The following DGKD variants were observed in gnomAD, a reference collection of about 807,000 sequenced individuals.
DGKD encodes DAG kinase delta.
A neutral mutation model predicts 154.4 loss-of-function variants in DGKD; 68 were observed. The ratio of observed to expected loss-of-function variants is 0.44; its 90% CI spans 0.36 to 0.54. The LOEUF (loss-of-function observed/expected upper bound fraction) is 0.54, where lower values mean the gene tolerates loss of function less well. Ranked by LOEUF, DGKD falls within the 20% of genes least tolerant of loss-of-function variation. The pLI, the probability that DGKD is intolerant of heterozygous loss-of-function variation, is 0.00. For missense variants in DGKD, 1,343 were observed against 1,593.6 expected (o/e 0.84, Z 2.68); for synonymous variants, 693 against 638.0 (o/e 1.09, Z -1.30).
At position 233,445,518 on chromosome 2, in the gene DGKD, A is replaced by G. The variant is rs2124826477; in HGVS notation, c.1195-105A>G. ...GCGTGGTTTTAGGTCACGTCCCCACATTGCTAACGTAACCCTCACGGTGGG... is the reference window on the plus strand; with the variant it reads ...GCGTGGTTTTAGGTCACGTCCCCACGTTGCTAACGTAACCCTCACGGTGGG... On this transcript the variant is annotated intron_variant, in intron 10 of 29. Transcript: ENST00000264057. This position sits in a 1 kb window ranked among gnomAD's most constrained non-coding sequence, Gnocchi z 5.5. The G allele has an allele frequency of 6.9e-7, 1 of 1,453,060 alleles. No homozygotes were observed. Among genetic ancestry groups the G allele is most frequent in the Non-Finnish European group, 9.2e-7 (1 of 1,092,430 alleles). 90.0% of individuals were successfully genotyped at this position (1,453,060 alleles called of 1,614,324 possible). A position where few individuals can be genotyped will look rare whatever the true frequency, so the allele number is the denominator to read the frequency against.
chr2:233,406,303 C>T (rs2061685935), intron 3 of DGKD, among the ~76,000 whole-genome samples: 1 of 152,226 alleles, frequency 6.6e-6, no homozygotes, highest in South Asian at 2.1e-4. Flanking sequence ...AGGTCACATT[C>T]ACAGGTTCCA....
rs2125363272 is a variant in DGKD at position 233,354,928 on chromosome 2, C to CCGCGCGCTGGGCGGGGGG, written c.156+262_156+279dup. ...GGCGCGCAGGTGGGCGCCCCGGGCG[C>CCGCGCGCTGGGCGGGGGG]CGCGCGCTGGGCGGGGGGCGCGCGC... On this transcript the variant is annotated intron_variant, in intron 1 of 29. Coordinates refer to ENST00000264057, the MANE Select transcript of DGKD (RefSeq NM_152879.3). This position sits in a 1 kb window ranked among gnomAD's most constrained non-coding sequence, Gnocchi z 4.8. Among the ~76,000 whole-genome samples the CCGCGCGCTGGGCGGGGGG allele has an allele frequency of 6.8e-6, 1 of 146,402 alleles. No individual in the cohort carries two copies. The highest frequency in any genetic ancestry group is 6.8e-5 in the Admixed American group (1 of 14,800).
intron 1 of DGKD, among the ~76,000 whole-genome samples, chr2:233,362,916 A>T (rs1187114280): frequency 6.6e-6 from 1 of 152,312 alleles, no homozygotes; most frequent in African/African-American, 2.4e-5. Flanking sequence ...TGAATTACCT[A>T]TGTGTTTGTG....
At chr2:233,462,484 C>G in intron 25 of DGKD, 25 bp downstream of exon 25, 1 of 1,580,448 alleles carries the variant, frequency 6.3e-7, no homozygotes. Flanking sequence ...CTTTTCAGTC[C>G]TGGCTTCTTC....
chr2:233,378,611 T>C (rs185300213), intron 1 of DGKD, among the ~76,000 whole-genome samples: 15 of 152,346 alleles, frequency 9.8e-5, no homozygotes, highest in Non-Finnish European at 5.9e-5. Flanking sequence ...TGTTTTTCTC[T>C]TCTGAGCTAG....
chr2:233,375,826 C>G (rs1272965712), intron 1 of DGKD, among the ~76,000 whole-genome samples: 1 of 152,286 alleles, frequency 6.6e-6, no homozygotes, highest in Admixed American at 6.5e-5. Context: ...GTCTCCACCC[C>G]CTACCCACAC....
chr2:233,388,299 T>C lies in DGKD; in HGVS notation c.199T>C (p.Phe67Leu). Residue 67 changes from phenylalanine (F) to leucine (L), a missense_variant, in exon 2 of 30, where the codon TTC becomes CTC. By Grantham distance (22) the Phe-to-Leu change is conservative. Transcript: ENST00000264057. ...GATGCTGACCAAACAGAACAATTCA[T>C]TCCAGCGATCAAAAAGGAGATACTT... Reference protein sequence around the residue: ...EGMLTKQNNSFQRSKRRYFKL... With the variant: ...EGMLTKQNNSLQRSKRRYFKL... The C allele has an allele frequency of 6.2e-7, 1 of 1,614,098 alleles. No individual in the cohort carries two copies. Among genetic ancestry groups the C allele is most frequent in the South Asian group, 1.1e-5 (1 of 91,062 alleles).
At position 233,449,298 on chromosome 2, in the gene DGKD, C is replaced by T. The variant is rs113483143; in HGVS notation, c.1810C>T (p.Arg604Trp). 1,816 of 1,613,254 alleles carry T rather than the reference C, an allele frequency of 1.1e-3. 2 individuals are homozygous for T. Among genetic ancestry groups the T allele is most frequent in the Non-Finnish European group, 1.4e-3 (1,652 of 1,179,458 alleles). ...SACPARPQIF[R>W]PREQLMLRAN... ...TTGCCCGGCCCGGCCGCAGATATTC[C>T]GGCCTCGAGAACAGCTCATGCTGAG... Residue 604 changes from arginine to tryptophan, a missense_variant, in exon 15 of 30, where the codon CGG becomes TGG. By Grantham distance (101) the Arg-to-Trp change is moderately radical. This residue lies in a region of DGKD where 409 missense variants were observed against 446.0 expected (regional missense o/e 0.92). Coordinates refer to ENST00000264057, the MANE Select transcript of DGKD (RefSeq NM_152879.3). The surrounding 1 kb of genome is among the most constrained non-coding windows in gnomAD (Gnocchi z 5.3).
intron 1 of DGKD, among the ~76,000 whole-genome samples, chr2:233,367,012 G>T: frequency 6.6e-6 from 1 of 152,086 alleles, no homozygotes; most frequent in East Asian, 1.9e-4. Flanking sequence ...TTAATATCCA[G>T]ATCATTTTCA....
intron 24 of DGKD, among the ~76,000 whole-genome samples, chr2:233,461,232 G>T (rs568159223): frequency 6.6e-6 from 1 of 152,212 alleles, no homozygotes; most frequent in Non-Finnish European, 1.5e-5. Flanking sequence ...TTCTCCCCCC[G>T]TGGCCGCACG....
intron 3 of DGKD, among the ~76,000 whole-genome samples, chr2:233,415,454 G>A (rs779186754): frequency 4.2e-4 from 64 of 152,142 alleles, no homozygotes; most frequent in Non-Finnish European, 5.1e-4. Flanking sequence ...CTAGCTGCAG[G>A]GGTGGTTGGA....
At position 233,450,333 on chromosome 2, in the gene DGKD, G is replaced by A. The variant is rs571902174; in HGVS notation, c.2038+202G>A. 3.9e-5 allele frequency among the ~76,000 whole-genome samples: 6 copies of A among 152,242 alleles called. No individual in the cohort carries two copies. In the South Asian group the frequency reaches 1.2e-3, roughly 32 times the overall value. On this transcript the variant is annotated intron_variant, in intron 16 of 29. Transcript: ENST00000264057. ...GTGGGTGTGTGCGGTCTGTCTTGGT[G>A]GACAGCAGTAGAACCCGCGAGACCC...
chr2:233,354,960 G>C lies in DGKD; in HGVS notation c.156+286G>C, dbSNP rs1291817711. ...CTGGGCGGGGGGCGCGCGCCGAGTT[G>C]GGCCGCGAGGACCCGGAGGAAACTG... On this transcript the variant is annotated intron_variant, in intron 1 of 29. Coordinates refer to ENST00000264057, the MANE Select transcript of DGKD (RefSeq NM_152879.3). The surrounding 1 kb of genome is among the most constrained non-coding windows in gnomAD (Gnocchi z 4.8). 6.7e-6 allele frequency among the ~76,000 whole-genome samples: 1 copy of C among 149,958 alleles called. No individual in the cohort carries two copies. Among genetic ancestry groups the C allele is most frequent in the African/African-American group, 2.4e-5 (1 of 41,098 alleles).
At chr2:233,467,655 AT>A (rs1175299403) in intron 28 of DGKD, among the ~76,000 whole-genome samples, 1 of 152,218 alleles carries the variant, frequency 6.6e-6, no homozygotes, top group Non-Finnish European at 1.5e-5. Flanking sequence ...AATCAATCGA[AT>A]ATGGTCCTGA....
At chr2:233,468,105 C>T (rs1406474487) in intron 28 of DGKD, among the ~76,000 whole-genome samples, 1 of 151,968 alleles carries the variant, frequency 6.6e-6, no homozygotes, top group Non-Finnish European at 1.5e-5. Flanking sequence ...CTGCAGCCAT[C>T]GCCCCTTGAG....
chr2:233,408,975 G>A (rs1329605217), intron 3 of DGKD: 2 of 152,190 alleles, frequency 1.3e-5, no homozygotes, highest in Non-Finnish European at 2.9e-5. Flanking sequence ...TCCTTGTGAG[G>A]GCTTAGGGGT....
At chr2:233,409,786 CGTTTT>C (rs1484351279) in intron 3 of DGKD, among the ~76,000 whole-genome samples, 2 of 118,638 alleles carry the variant, frequency 1.7e-5, no homozygotes, top group African/African-American at 3.2e-5. Flanking sequence ...CCCCCCATAC[CGTTTT>C]TTTTTTTTTT....
intron 3 of DGKD, among the ~76,000 whole-genome samples, chr2:233,425,480 C>A (rs1187428749): frequency 2.0e-5 from 3 of 152,176 alleles, no homozygotes; most frequent in African/African-American, 7.2e-5. Flanking sequence ...AGCCACTGTG[C>A]CCGGCCGACT....
At chr2:233,404,491 T>A (rs539186508) in intron 3 of DGKD, among the ~76,000 whole-genome samples, 1 of 152,306 alleles carries the variant, frequency 6.6e-6, no homozygotes, top group African/African-American at 2.4e-5. Context: ...TTTTGTTACC[T>A]GCCCTGAGAG....
Sources: gnomAD v4.1 joint callset for allele counts (sites outside exome capture counted in the v4.1 genomes callset) on GRCh38, gnomAD v4.1.1 for gene constraint, gnomAD v4.1.1 regional missense constraint, Gnocchi (gnomAD v3.1) non-coding constraint, MANE v1.5 for transcripts, NCBI Gene and HGNC (gene_info 2026-07-23, HGNC 2026-07-21) for gene names.